The following CACNA2D1 variants were observed in gnomAD, a reference collection of about 807,000 sequenced individuals.
CACNA2D1 encodes the protein calcium voltage-gated channel auxiliary subunit alpha2delta 1.
Under a neutral mutation model 171.5 loss-of-function variants are expected in CACNA2D1, and 53 were observed. That is an observed-to-expected ratio of 0.31 (90% CI 0.25 to 0.39). The LOEUF is 0.39. Ranked by LOEUF, CACNA2D1 falls within the 10% of genes least tolerant of loss-of-function variation. CACNA2D1 has a pLI of 1.00. For missense variants in CACNA2D1, 903 were observed against 1,299.8 expected, an observed-to-expected ratio of 0.69 and a Z score of 4.69; for synonymous variants, 442 against 443.1, an observed-to-expected ratio of 1.00 and a Z score of 0.03.
At chr7:82,298,858 T>C (rs1276954251) in intron 3 of CACNA2D1, among the ~76,000 whole-genome samples, 1 of 151,658 alleles carries the variant, frequency 6.6e-6, no homozygotes, top group Non-Finnish European at 1.5e-5. Context: ...CGGTCAGGAG[T>C]TCAAGACCAG....
chr7:82,003,744 CTT>C (rs780882992), intron 18 of CACNA2D1, among the ~76,000 whole-genome samples: 8 of 137,090 alleles, frequency 5.8e-5, no homozygotes, highest in Non-Finnish European at 4.8e-5. Context: ...CATCACATTA[CTT>C]TTTTTTTTTT....
intron 1 of CACNA2D1, among the ~76,000 whole-genome samples, chr7:82,365,378 T>G (rs1585668359): frequency 6.6e-6 from 1 of 152,242 alleles, no homozygotes; most frequent in Non-Finnish European, 1.5e-5. Context: ...ATGAAACATA[T>G]GATTACTTTG....
chr7:82,308,032 C>T (rs1256230242), intron 3 of CACNA2D1, among the ~76,000 whole-genome samples: 6 of 152,154 alleles, frequency 3.9e-5, no homozygotes, highest in East Asian at 1.9e-4. Flanking sequence ...TGAACTAAAA[C>T]GCCATCCTAA....
rs779118326 is a variant in CACNA2D1 at position 81,969,020 on chromosome 7, T to C, written c.2309-47A>G. 8.6e-6 allele frequency: 9 copies of C among 1,043,186 alleles called. No homozygotes were observed. The African/African-American group carries it at 1.3e-4, about 15-fold the overall frequency. 64.6% of individuals were successfully genotyped at this position (1,043,186 alleles called of 1,614,324 possible). On this transcript the variant is annotated intron_variant, in intron 28 of 38. Transcript: ENST00000356860. ...AAAACACCTATCAAGATATATTGAA[T>C]AATAATATTGATTTTCCGTCATTAG...
rs796161747 is a variant in CACNA2D1 at position 82,150,282 on chromosome 7, C to CAA, written c.355-13608_355-13607dup. Among the ~76,000 whole-genome samples, 3 of 103,218 alleles carry CAA rather than the reference C, an allele frequency of 2.9e-5. No homozygotes were observed. The East Asian group carries it at 8.7e-4, about 30-fold the overall frequency. 67.7% of individuals were successfully genotyped at this position (103,218 alleles called of 152,430 possible). ...TAAAAAAAAAAAACAAAAACAACAA[C>CAA]AAAAAAAAACACCCTAGTAGCTGGG... On this transcript the variant is annotated intron_variant, in intron 4 of 38. Transcript: ENST00000356860.
intron 1 of CACNA2D1, among the ~76,000 whole-genome samples, chr7:82,350,689 C>T (rs1009444826): frequency 6.6e-6 from 1 of 151,908 alleles, no homozygotes; most frequent in Non-Finnish European, 1.5e-5. Context: ...AAAACAACAA[C>T]AACAAAAAAA....
chr7:82,439,689 A>T (rs1408284616), intron 1 of CACNA2D1, among the ~76,000 whole-genome samples: 2 of 151,266 alleles, frequency 1.3e-5, no homozygotes, highest in African/African-American at 2.4e-5. Flanking sequence ...TGTAACATTA[A>T]TAAATTTAAC....
chr7:81,949,661 C>T lies in CACNA2D1; in HGVS notation c.*731G>A, dbSNP rs1298836229. The T allele has an allele frequency of 1.3e-5, 2 of 152,170 alleles. No individual in the cohort carries two copies. Among genetic ancestry groups the T allele is most frequent in the Non-Finnish European group, 2.9e-5 (2 of 68,070 alleles). The allele number at this position is 152,170 out of a possible 1,614,324, so 9.4% of individuals were successfully genotyped here. On this transcript the variant is annotated 3_prime_UTR_variant, in exon 39 of 39. Coordinates refer to ENST00000356860, the MANE Select transcript of CACNA2D1 (RefSeq NM_000722.4). ...AAAGCATTTATTAAGGGCTTGCTTA[C>T]ATTTATGAGGAAATATGTCACATAT...
At chr7:81,962,138 C>T (rs1005659892) in intron 35 of CACNA2D1, 115 bp from the exon 36 acceptor site, 25 of 959,450 alleles carry the variant, frequency 2.6e-5, no homozygotes, top group Middle Eastern at 2.4e-4. Flanking sequence ...AAGACCAGGA[C>T]CCCTCGACTG....
At chr7:82,347,201 A>G (rs970568103) in intron 2 of CACNA2D1, among the ~76,000 whole-genome samples, 5 of 152,214 alleles carry the variant, frequency 3.3e-5, no homozygotes, top group African/African-American at 4.8e-5. Context: ...ATTTAATAAT[A>G]TTAGCAACTT....
At chr7:82,389,928 G>T (rs189061457) in intron 1 of CACNA2D1, among the ~76,000 whole-genome samples, 1 of 152,242 alleles carries the variant, frequency 6.6e-6, no homozygotes, top group East Asian at 1.9e-4. Flanking sequence ...TATATCTCAC[G>T]TGTTCTTTGT....
chr7:82,408,952 A>G (rs1006635959), intron 1 of CACNA2D1, among the ~76,000 whole-genome samples: 1 of 152,170 alleles, frequency 6.6e-6, no homozygotes, highest in Non-Finnish European at 1.5e-5. Context: ...GCAAACCAAC[A>G]ACACGGTTAA....
chr7:82,188,155 C>A (rs571911043), intron 3 of CACNA2D1, among the ~76,000 whole-genome samples: 6 of 152,194 alleles, frequency 3.9e-5, no homozygotes, highest in South Asian at 2.1e-4. Flanking sequence ...TCCCCACTTT[C>A]TAGTATCATT....
chr7:81,958,611 A>G (rs1039831982), intron 38 of CACNA2D1, among the ~76,000 whole-genome samples: 25 of 152,046 alleles, frequency 1.6e-4, no homozygotes, highest in Admixed American at 2.0e-4. Context: ...TATTTATTAG[A>G]GAAAGATAGC....
intron 3 of CACNA2D1, among the ~76,000 whole-genome samples, chr7:82,322,517 G>T (rs1436826805): frequency 6.6e-6 from 1 of 151,684 alleles, no homozygotes. Context: ...TACTCAAGAG[G>T]CCAAGGCAGG....
intron 3 of CACNA2D1, among the ~76,000 whole-genome samples, chr7:82,260,816 T>A (rs775171017): frequency 2.6e-5 from 4 of 152,196 alleles, no homozygotes; most frequent in Non-Finnish European, 5.9e-5. Flanking sequence ...AAAGGCATTA[T>A]AATGAACTAG....
chr7:82,010,425 A>ATCAGGAG (rs1799649823), intron 15 of CACNA2D1, among the ~76,000 whole-genome samples: 1 of 150,822 alleles, frequency 6.6e-6, no homozygotes, highest in Admixed American at 6.6e-5. Flanking sequence ...CAGCACATTT[A>ATCAGGAG]GAACCAACAT....
At chr7:82,402,733 G>A (rs200817925) in intron 1 of CACNA2D1, among the ~76,000 whole-genome samples, 211 of 105,240 alleles carry the variant, frequency 2.0e-3, no homozygotes, top group African/African-American at 3.9e-3. Flanking sequence ...AAAAAAAAAA[G>A]AAGAAGAAGT....
At chr7:82,133,102 C>G (rs1242482158) in intron 5 of CACNA2D1, among the ~76,000 whole-genome samples, 1 of 152,134 alleles carries the variant, frequency 6.6e-6, no homozygotes, top group African/African-American at 2.4e-5. Context: ...TGATTTCTCC[C>G]ATTTTTTCTC....
Sources: gnomAD v4.1 joint callset for allele counts (sites outside exome capture counted in the v4.1 genomes callset) on GRCh38, gnomAD v4.1.1 for gene constraint, MANE v1.5 for transcripts, NCBI Gene and HGNC (gene_info 2026-07-23, HGNC 2026-07-21) for gene names.